FMN1: variants seen among roughly 807,000 people sequenced by gnomAD.
The protein encoded by FMN1 is formin-1.
FMN1 carries 110 observed loss-of-function variants against 132.4 expected under a neutral mutation model. The ratio of observed to expected loss-of-function variants is 0.83; its 90% CI spans 0.71 to 0.97. The LOEUF is 0.97. FMN1 is among the 50% of genes least tolerant of loss of function. FMN1 has a pLI of 0.00. For synonymous variants in FMN1, 722 were observed against 651.7 expected, an observed-to-expected ratio of 1.11 and a Z score of -1.64; for missense variants, 1,792 against 1,705.3, an observed-to-expected ratio of 1.05 and a Z score of -0.90.
At chr15:33,042,871 T>G (rs1303609222) in intron 6 of FMN1, among the ~76,000 whole-genome samples, 1 of 152,076 alleles carries the variant, frequency 6.6e-6, no homozygotes, top group Admixed American at 6.5e-5. Context: ...GCCTAAAATT[T>G]GATTCCATGT....
At chr15:32,933,140 T>C (rs1486539081) in intron 9 of FMN1, among the ~76,000 whole-genome samples, 2 of 152,214 alleles carry the variant, frequency 1.3e-5, no homozygotes, top group Admixed American at 6.5e-5. Flanking sequence ...TTAGTACTGC[T>C]TTTATTGCAT....
At chr15:33,019,582 G>A (rs1006671121) in intron 6 of FMN1, among the ~76,000 whole-genome samples, 12 of 152,178 alleles carry the variant, frequency 7.9e-5, no homozygotes, top group Non-Finnish European at 1.5e-4. Context: ...GGGGCGGTGC[G>A]AAACTCAGGC....
chr15:33,003,798 A>G (rs886420986), intron 7 of FMN1, among the ~76,000 whole-genome samples: 1 of 152,222 alleles, frequency 6.6e-6, no homozygotes, highest in African/African-American at 2.4e-5. Flanking sequence ...AAACTACACT[A>G]CAAGGCTACA....
At chr15:33,033,938 T>TC (rs1243235647) in intron 6 of FMN1, among the ~76,000 whole-genome samples, 3 of 152,110 alleles carry the variant, frequency 2.0e-5, no homozygotes, top group Admixed American at 6.5e-5. Context: ...CTCTTAGTTC[T>TC]CCTCCTGCCT....
intron 6 of FMN1, among the ~76,000 whole-genome samples, chr15:33,022,647 T>C (rs1161078955): frequency 6.6e-6 from 1 of 152,090 alleles, no homozygotes; most frequent in East Asian, 1.9e-4. Flanking sequence ...GAAATAGAAA[T>C]GGGACAAACC....
chr15:32,922,023 T>C (rs1012072034), intron 10 of FMN1, among the ~76,000 whole-genome samples: 4 of 152,178 alleles, frequency 2.6e-5, no homozygotes, highest in Non-Finnish European at 5.9e-5. Context: ...TGACCACTAT[T>C]TCATCCTCTC....
chr15:33,064,994 G>A lies in FMN1; in HGVS notation c.2124C>T (p.Asp708=), dbSNP rs376579472. The part of the protein sequence containing the change: ...QAVWPPPKTK[D]TEEKVGLKYT... ...ACTTCAGTCCCACTTTTTCTTCTGT[G>A]TCTTTTGTCTTTGGGGGTGGCCAGA... The change falls in exon 6 of 21, where the codon GAC becomes GAT. Residue 708 remains aspartate (D), a synonymous_variant. Coordinates refer to ENST00000616417, the MANE Select transcript of FMN1 (RefSeq NM_001277313.2). The A allele has an allele frequency of 6.8e-5, 110 of 1,611,576 alleles. 1 individual carries two copies. The highest frequency in any genetic ancestry group is 1.5e-4 in the Admixed American group (9 of 59,682).
At chr15:32,940,429 G>GTC (rs2061377074) in intron 9 of FMN1, among the ~76,000 whole-genome samples, 1 of 145,802 alleles carries the variant, frequency 6.9e-6, no homozygotes, top group African/African-American at 2.6e-5. Context: ...GTGTGTGTGT[G>GTC]TGTCTGTTCA....
intron 9 of FMN1, among the ~76,000 whole-genome samples, chr15:32,949,319 A>G (rs1448896662): frequency 1.3e-5 from 2 of 152,172 alleles, no homozygotes; most frequent in Non-Finnish European, 2.9e-5. Context: ...TAACCAAAAG[A>G]GCATGGTACT....
chr15:32,949,870 C>T (rs937637390), intron 9 of FMN1, among the ~76,000 whole-genome samples: 14 of 144,976 alleles, frequency 9.7e-5, no homozygotes, highest in African/African-American at 3.6e-4. Flanking sequence ...AAAAAAACAA[C>T]CCCATTAAAA....
In FMN1 at chr15:32,772,580, G is replaced by A. The variant is rs2056284873; in HGVS notation, c.*1730C>T. ...ACTTCAAGCCTTTTTAGTCATGCAT[G>A]TTCCTTCTCGGCTTTTCTGTTTTGC... On this transcript the variant is annotated 3_prime_UTR_variant, in exon 21 of 21. Coordinates refer to ENST00000616417, the MANE Select transcript of FMN1 (RefSeq NM_001277313.2). 1 of 152,228 alleles carries A rather than the reference G, an allele frequency of 6.6e-6. No individual in the cohort carries two copies. The highest frequency in any genetic ancestry group is 2.1e-4 in the South Asian group (1 of 4,830). 9.4% of individuals were successfully genotyped at this position (152,228 alleles called of 1,614,324 possible).
chr15:33,095,888 T>G (rs1217159975), intron 4 of FMN1, among the ~76,000 whole-genome samples: 1 of 151,804 alleles, frequency 6.6e-6, no homozygotes, highest in Non-Finnish European at 1.5e-5. Context: ...TACAAAATAC[T>G]AAGCCCTGGA....
At chr15:32,895,208 A>T (rs1196104283) in intron 15 of FMN1, among the ~76,000 whole-genome samples, 1 of 152,150 alleles carries the variant, frequency 6.6e-6, no homozygotes, top group African/African-American at 2.4e-5. Context: ...TGATCCTGAG[A>T]TTCATGAGTG....
intron 17 of FMN1, among the ~76,000 whole-genome samples, chr15:32,851,618 C>T (rs2059010425): frequency 6.6e-6 from 1 of 152,120 alleles, no homozygotes; most frequent in Non-Finnish European, 1.5e-5. Flanking sequence ...GCAACCCCGC[C>T]AAGTGGTGCC....
chr15:32,803,953 T>A (rs2057569900), intron 18 of FMN1, among the ~76,000 whole-genome samples: 1 of 152,126 alleles, frequency 6.6e-6, no homozygotes, highest in South Asian at 2.1e-4. Context: ...GGATGCATAG[T>A]CTTAACACAT....
In FMN1 at chr15:32,891,965, T is replaced by C. The variant is rs553980918; in HGVS notation, c.3715-3673A>G. On this transcript the variant is annotated intron_variant, in intron 15 of 20. Coordinates refer to ENST00000616417, the MANE Select transcript of FMN1 (RefSeq NM_001277313.2). ...TATAGGCGCTTTCTGGAGGAGTCTT[T>C]AGGGTTTTCAAGGTAAACAATCATA... Among the ~76,000 whole-genome samples, 14 of 152,286 alleles carry C rather than the reference T, an allele frequency of 9.2e-5. No homozygotes were observed. In the East Asian group the frequency reaches 2.5e-3, roughly 27 times the overall value.
intron 6 of FMN1, among the ~76,000 whole-genome samples, chr15:33,044,672 G>A (rs546774935): frequency 6.6e-6 from 1 of 152,090 alleles, no homozygotes; most frequent in Non-Finnish European, 1.5e-5. Context: ...ACCCACCCCA[G>A]GGTCACCTCT....
intron 4 of FMN1, among the ~76,000 whole-genome samples, chr15:33,138,966 T>C (rs1963888800): frequency 6.6e-6 from 1 of 152,006 alleles, no homozygotes; most frequent in Admixed American, 6.5e-5. Context: ...TTCTGGTGAA[T>C]GGAGGACTAG....
rs1336794777 is a variant in FMN1, at chr15:32,797,473, A to G, written c.4130+1331T>C. 2.0e-5 allele frequency among the ~76,000 whole-genome samples: 3 copies of G among 152,342 alleles called. No homozygotes were observed. In the East Asian group the frequency reaches 5.8e-4, roughly 29 times the overall value. On this transcript the variant is annotated intron_variant, in intron 19 of 20. Coordinates refer to ENST00000616417, the MANE Select transcript of FMN1 (RefSeq NM_001277313.2). Reference sequence around the variant, plus strand: ...ATGAGAATTGATTCCACAGAAACTTATTTTAGCTTACTTTAAAGGGCTAAA... The same window carrying G: ...ATGAGAATTGATTCCACAGAAACTTGTTTTAGCTTACTTTAAAGGGCTAAA...
Sources: allele counts gnomAD v4.1 joint callset (sites outside exome capture counted in the v4.1 genomes callset), GRCh38; gene constraint gnomAD v4.1.1; transcripts MANE v1.5; gene names NCBI Gene and HGNC (gene_info 2026-07-23, HGNC 2026-07-21).